The following NRG4 variants were observed in gnomAD, a reference collection of about 807,000 sequenced individuals.
The protein encoded by NRG4 is pro-neuregulin-4, membrane-bound isoform.
Under a neutral mutation model 15.0 loss-of-function variants are expected in NRG4, and 10 were observed. The observed-to-expected ratio is 0.67, with a 90% CI of 0.41 to 1.13. The LOEUF is 1.13. Ranked by LOEUF, NRG4 falls within the 50% of genes most tolerant of loss-of-function variation. The pLI is 0.00. For missense variants in NRG4, 139 were observed against 140.2 expected, an observed-to-expected ratio of 0.99 and a Z score of 0.04; for synonymous variants, 41 against 50.1, an observed-to-expected ratio of 0.82 and a Z score of 0.77.
chr15:76,044,325 G>A (rs2035817335), intron 4 of NRG4, among the ~76,000 whole-genome samples: 1 of 148,438 alleles, frequency 6.7e-6, no homozygotes, highest in East Asian at 1.9e-4. Context: ...TTTGACAAAG[G>A]TGCCAAGAAC....
downstream of NRG4, chr15:75,936,289 A>G (rs1488503297): frequency 1.3e-5 from 2 of 152,202 alleles, no homozygotes; most frequent in Non-Finnish European, 2.9e-5. Flanking sequence ...GAAACTGGGT[A>G]TGAGTTGGCT....
chr15:76,040,722 C>T (rs549228129), intron 4 of NRG4, among the ~76,000 whole-genome samples: 4 of 152,192 alleles, frequency 2.6e-5, no homozygotes, highest in South Asian at 2.1e-4. Flanking sequence ...GTCAGGAGTT[C>T]GAGACCAGCC....
chr15:75,963,346 T>G (rs1419570176), intron 3 of NRG4, among the ~76,000 whole-genome samples: 4 of 151,986 alleles, frequency 2.6e-5, no homozygotes, highest in African/African-American at 9.7e-5. Context: ...TAAATGAAAG[T>G]AAAAATATTT....
chr15:76,050,003 A>C (rs1182775546), intron 4 of NRG4, among the ~76,000 whole-genome samples: 2 of 151,170 alleles, frequency 1.3e-5, no homozygotes, highest in Non-Finnish European at 2.9e-5. Context: ...GAATGGAATA[A>C]ATTGGATAAG....
At chr15:76,053,551 T>C (rs57409601) in intron 2 of NRG4, among the ~76,000 whole-genome samples, 3,122 of 150,958 alleles carry the variant, frequency 0.021, 303 homozygotes, top group African/African-American at 0.073. Context: ...TATTTTTACT[T>C]ATTTTTTATT....
chr15:75,986,886 G>T (rs1398057531), intron 3 of NRG4, among the ~76,000 whole-genome samples: 3 of 152,150 alleles, frequency 2.0e-5, no homozygotes, highest in South Asian at 2.1e-4. Flanking sequence ...GGGAAGGGAT[G>T]AACACATAAG....
chr15:76,047,807 C>T (rs2035908440), intron 4 of NRG4, among the ~76,000 whole-genome samples: 1 of 151,026 alleles, frequency 6.6e-6, no homozygotes, highest in Non-Finnish European at 1.5e-5. Context: ...TAAAGATTCA[C>T]TTTATATGCT....
At chr15:75,974,761 G>T (rs2033288417) in intron 3 of NRG4, among the ~76,000 whole-genome samples, 1 of 152,146 alleles carries the variant, frequency 6.6e-6, no homozygotes, top group Non-Finnish European at 1.5e-5. Flanking sequence ...GCTGAGCAGT[G>T]TTTTACTTCC....
At chr15:75,992,408 G>T (rs1266416229) in intron 3 of NRG4, among the ~76,000 whole-genome samples, 1 of 151,996 alleles carries the variant, frequency 6.6e-6, no homozygotes, top group Admixed American at 6.5e-5. Flanking sequence ...AGGCTTGCAG[G>T]TAATAAATTA....
intron 5 of NRG4, among the ~76,000 whole-genome samples, chr15:75,951,612 C>A (rs911481705): frequency 6.6e-6 from 1 of 152,160 alleles, no homozygotes; most frequent in African/African-American, 2.4e-5. Flanking sequence ...AGACTTTTTA[C>A]AGGTTGCTCT....
chr15:76,020,786 G>A (rs1417980272), intron 5 of NRG4, among the ~76,000 whole-genome samples: 2 of 152,184 alleles, frequency 1.3e-5, no homozygotes, highest in African/African-American at 4.8e-5. Context: ...GGCCGAGAGA[G>A]GTAAAGAAGC....
In NRG4 at chr15:75,986,307, C is replaced by G. The variant is rs73449072; in HGVS notation, c.104+22893G>C. 4.6e-3 allele frequency among the ~76,000 whole-genome samples: 703 copies of G among 152,246 alleles called. 4 individuals are homozygous for G. The highest frequency in any genetic ancestry group is 0.016 in the African/African-American group (660 of 41,546). The stretch of plus-strand genomic sequence containing the variant: ...GTCTACCAAAATTAATATGCATATA[C>G]CCTTTGACCCAGCCAAATTCTTGGG... On this transcript the variant is annotated intron_variant, in intron 3 of 5. Coordinates refer to ENST00000394907, the MANE Select transcript of NRG4 (RefSeq NM_138573.4).
chr15:75,994,042 T>G (rs2034123134), intron 3 of NRG4, among the ~76,000 whole-genome samples: 1 of 152,230 alleles, frequency 6.6e-6, no homozygotes, highest in Non-Finnish European at 1.5e-5. Flanking sequence ...CATTTTTCTA[T>G]CTTCATATGT....
Position 75,942,368 on chromosome 15 carries a change from T to G in NRG4, c.*1270A>C, listed in dbSNP as rs1391127347. On this transcript the variant is annotated 3_prime_UTR_variant, in exon 6 of 6. Coordinates refer to ENST00000394907, the MANE Select transcript of NRG4 (RefSeq NM_138573.4). ...TCTCAAAAAGTAAAGTAAAAATGTG[T>G]CAATATTGGTTAAACAAATATACCA... 3.3e-5 allele frequency: 5 copies of G among 151,782 alleles called. No individual in the cohort carries two copies. The highest frequency in any genetic ancestry group is 1.2e-4 in the African/African-American group (5 of 41,288). The allele number at this position is 151,782 out of a possible 1,614,324, so 9.4% of individuals were successfully genotyped here.
intron 3 of NRG4, among the ~76,000 whole-genome samples, chr15:75,997,220 TTTTTA>T (rs2034249428): frequency 6.6e-6 from 1 of 152,096 alleles, no homozygotes; most frequent in African/African-American, 2.4e-5. Flanking sequence ...TCTGAGAAAA[TTTTTA>T]TTTTTTGATA....
intron 5 of NRG4, among the ~76,000 whole-genome samples, chr15:76,017,983 C>A (rs1404290309): frequency 6.6e-6 from 1 of 152,144 alleles, no homozygotes; most frequent in Non-Finnish European, 1.5e-5. Context: ...TAGGTTTGGT[C>A]TTTTCACATA....
downstream of NRG4, chr15:75,939,397 T>C (rs2030706820): frequency 2.0e-5 from 3 of 152,130 alleles, no homozygotes; most frequent in Admixed American, 1.3e-4. Context: ...AATAGAACTA[T>C]AACCAGTAAG....
At chr15:76,037,063 A>G (rs929166818) in intron 4 of NRG4, among the ~76,000 whole-genome samples, 2 of 152,214 alleles carry the variant, frequency 1.3e-5, no homozygotes, top group Admixed American at 1.3e-4. Flanking sequence ...ATCAACATAC[A>G]AAAATCAATA....
chr15:75,970,826 A>G lies in NRG4; in HGVS notation c.105-8852T>C, dbSNP rs555696852. ...CCCATGCTTGCTCAAAGAATCTCGT[A>G]AGTTCCAGCTGAAATGTTGAAAGAT... On this transcript the variant is annotated intron_variant, in intron 3 of 5. Transcript: ENST00000394907. Among the ~76,000 whole-genome samples, 6 of 152,326 alleles carry G rather than the reference A, an allele frequency of 3.9e-5. No individual in the cohort carries two copies. The South Asian group carries it at 1.2e-3, about 32-fold the overall frequency.
Sources: allele counts gnomAD v4.1 joint callset (sites outside exome capture counted in the v4.1 genomes callset), GRCh38; gene constraint gnomAD v4.1.1; transcripts MANE v1.5; gene names NCBI Gene and HGNC (gene_info 2026-07-23, HGNC 2026-07-21).